The following FMN2 variants were observed in gnomAD, a reference collection of about 807,000 sequenced individuals.
FMN2 encodes formin-2.
A neutral mutation model predicts 142.3 loss-of-function variants in FMN2; 51 were observed. The ratio of observed to expected loss-of-function variants is 0.36; its 90% CI spans 0.29 to 0.45. The LOEUF (loss-of-function observed/expected upper bound fraction) is 0.45, where lower values mean the gene tolerates loss of function less well. FMN2 is among the 20% of genes least tolerant of loss of function. The pLI is 1.00. For missense variants in FMN2, 1,936 were observed against 2,122.8 expected, an observed-to-expected ratio of 0.91 and a Z score of 1.73; for synonymous variants, 882 against 869.8, an observed-to-expected ratio of 1.01 and a Z score of -0.25.
intron 16 of FMN2, among the ~76,000 whole-genome samples, chr1:240,470,861 A>G (rs2103247596): frequency 6.6e-6 from 1 of 152,232 alleles, no homozygotes; most frequent in South Asian, 2.1e-4. Context: ...TCCAATTTAC[A>G]GATTTCTTAC....
intron 16 of FMN2, among the ~76,000 whole-genome samples, chr1:240,470,678 G>C (rs1287228367): frequency 6.6e-6 from 1 of 151,984 alleles, no homozygotes; most frequent in Non-Finnish European, 1.5e-5. Flanking sequence ...AGGAAATTAG[G>C]CTATAAGGTC....
chr1:240,123,915 A>AT, intron 2 of FMN2, among the ~76,000 whole-genome samples: 1 of 152,230 alleles, frequency 6.6e-6, no homozygotes, highest in Non-Finnish European at 1.5e-5. Context: ...AAGTGGAATT[A>AT]TACAGTATTT....
chr1:240,441,071 T>C (rs1354893319), intron 16 of FMN2, among the ~76,000 whole-genome samples: 3 of 149,472 alleles, frequency 2.0e-5, no homozygotes, highest in Admixed American at 6.8e-5. Flanking sequence ...CTTGGCTCAC[T>C]GCAACCTCTG....
intron 2 of FMN2, 180 bp from the exon 3 acceptor site, chr1:240,177,741 G>A (rs1558339411): frequency 6.8e-6 from 3 of 442,144 alleles, no homozygotes; most frequent in Non-Finnish European, 7.3e-6. Context: ...ATGACTGCGT[G>A]AAAAAAATGT....
At chr1:240,274,329 G>A (rs1669120755) in intron 7 of FMN2, among the ~76,000 whole-genome samples, 1 of 151,966 alleles carries the variant, frequency 6.6e-6, no homozygotes, top group Non-Finnish European at 1.5e-5. Context: ...CATGACAGAA[G>A]GAACCTTGTA....
At chr1:240,413,877 A>G (rs1220645820) in intron 15 of FMN2, among the ~76,000 whole-genome samples, 4 of 152,200 alleles carry the variant, frequency 2.6e-5, no homozygotes, top group African/African-American at 9.7e-5. Context: ...TGCCTTAACA[A>G]CTGCCGTGAG....
chr1:240,404,187 C>T (rs904979866), intron 15 of FMN2, among the ~76,000 whole-genome samples: 3 of 152,132 alleles, frequency 2.0e-5, no homozygotes, highest in African/African-American at 4.8e-5. Flanking sequence ...AATATTTAAT[C>T]GGTTCTGAAC....
intron 7 of FMN2, among the ~76,000 whole-genome samples, chr1:240,286,545 C>A (rs946338774): frequency 5.3e-5 from 8 of 152,152 alleles, no homozygotes; most frequent in Non-Finnish European, 1.0e-4. Flanking sequence ...ATTTTAAGGT[C>A]TACGAAACTG....
intron 7 of FMN2, among the ~76,000 whole-genome samples, chr1:240,279,011 A>T (rs1396127237): frequency 2.0e-5 from 3 of 152,174 alleles, no homozygotes; most frequent in African/African-American, 7.2e-5. Flanking sequence ...GAGCAACCTG[A>T]GCTCGAACTG....
At chr1:240,371,922 C>T (rs1403941674) in intron 14 of FMN2, among the ~76,000 whole-genome samples, 1 of 152,148 alleles carries the variant, frequency 6.6e-6, no homozygotes, top group African/African-American at 2.4e-5. Context: ...AAGTGAAACA[C>T]TGCTAAACCA....
chr1:240,382,716 T>C (rs1245206332), intron 14 of FMN2, among the ~76,000 whole-genome samples: 2 of 151,804 alleles, frequency 1.3e-5, no homozygotes, highest in East Asian at 3.9e-4. Flanking sequence ...ATTGCAGAAG[T>C]GCAATTCCTA....
chr1:240,448,940 G>A (rs1215674856), intron 16 of FMN2, among the ~76,000 whole-genome samples: 1 of 152,004 alleles, frequency 6.6e-6, no homozygotes, highest in African/African-American at 2.4e-5. Context: ...CCTAGGAGTT[G>A]AGACCAGCCT....
At chr1:240,464,050 G>A (rs1057117620) in intron 16 of FMN2, among the ~76,000 whole-genome samples, 1 of 152,074 alleles carries the variant, frequency 6.6e-6, no homozygotes, top group African/African-American at 2.4e-5. Context: ...AACCATTTCA[G>A]AATTGTTAGC....
rs893239840 is a variant in FMN2 at position 240,391,832 on chromosome 1, A to C, written c.4859-679A>C. Among the ~76,000 whole-genome samples the C allele has an allele frequency of 8.5e-5, 13 of 152,252 alleles. No individual in the cohort carries two copies. The East Asian group carries it at 2.5e-3, about 29-fold the overall frequency. On this transcript the variant is annotated intron_variant, in intron 14 of 17. Transcript: ENST00000319653. ...CCTAGAATGCTTACTTGTCAAAAAA[A>C]AAAAATGAAGTCACAGCCATACTTT...
chr1:240,298,554 T>G (rs1414196941), intron 8 of FMN2, among the ~76,000 whole-genome samples: 1 of 152,138 alleles, frequency 6.6e-6, no homozygotes, highest in Non-Finnish European at 1.5e-5. Context: ...GGTGAGCCAC[T>G]GGTGAGCAAG....
At chr1:240,109,552 T>C (rs1661731176) in intron 1 of FMN2, among the ~76,000 whole-genome samples, 1 of 152,172 alleles carries the variant, frequency 6.6e-6, no homozygotes, top group Non-Finnish European at 1.5e-5. Context: ...ACCCTTCATT[T>C]AGATACTCTT....
chr1:240,159,945 ATATATC>A (rs1188549151), intron 2 of FMN2, among the ~76,000 whole-genome samples: 9 of 112,196 alleles, frequency 8.0e-5, no homozygotes, highest in Non-Finnish European at 1.2e-4. Context: ...GTGTATATAT[ATATATC>A]TATATCTGTG....
chr1:240,213,106 T>A (rs1368547854), intron 6 of FMN2, among the ~76,000 whole-genome samples: 2 of 152,210 alleles, frequency 1.3e-5, no homozygotes, highest in Non-Finnish European at 2.9e-5. Flanking sequence ...TCATCAAACT[T>A]CACATTAAAC....
At chr1:240,200,836 A>G (rs1233481532) in intron 4 of FMN2, among the ~76,000 whole-genome samples, 2 of 152,312 alleles carry the variant, frequency 1.3e-5, no homozygotes, top group Middle Eastern at 3.4e-3. Flanking sequence ...GATCTGTACA[A>G]AAAAGTTCTG....
Sources: allele counts gnomAD v4.1 joint callset (sites outside exome capture counted in the v4.1 genomes callset), GRCh38; gene constraint gnomAD v4.1.1; transcripts MANE v1.5; gene names NCBI Gene and HGNC (gene_info 2026-07-23, HGNC 2026-07-21).